The following KLF8 variants were observed in gnomAD, a reference collection of about 807,000 sequenced individuals.
KLF8 encodes the protein Krueppel-like factor 8.
A neutral mutation model predicts 18.2 loss-of-function variants in KLF8; 10 were observed. The observed-to-expected ratio is 0.55, with a 90% CI of 0.34 to 0.93. The LOEUF (loss-of-function observed/expected upper bound fraction) is 0.93, where lower values mean the gene tolerates loss of function less well. KLF8 is among the 40% of genes least tolerant of loss of function. The pLI is 0.02. For synonymous variants in KLF8, 109 were observed against 97.3 expected, an observed-to-expected ratio of 1.12 and a Z score of -0.71; for missense variants, 264 against 277.9, an observed-to-expected ratio of 0.95 and a Z score of 0.36.
chrX:56,184,432 C>T, the KLF8 span, among the ~76,000 whole-genome samples: 1 of 112,676 alleles, frequency 8.9e-6, no homozygotes, highest in Admixed American at 9.4e-5. Flanking sequence ...GTAGGCTCCA[C>T]CTCTGGGGGC....
the KLF8 span, among the ~76,000 whole-genome samples, chrX:56,204,649 T>C: frequency 9.0e-6 from 1 of 111,569 alleles, no homozygotes. Context: ...TGTTGAATTT[T>C]ATTAAATGCT....
chrX:56,210,200 G>T, the KLF8 span, among the ~76,000 whole-genome samples: 16 of 111,580 alleles, frequency 1.4e-4, no homozygotes, highest in Non-Finnish European at 2.8e-4. Flanking sequence ...TGATTGAAAT[G>T]CTTTCTAGCA....
chrX:56,012,663 T>G, the KLF8 span, among the ~76,000 whole-genome samples: 1 of 111,178 alleles, frequency 9.0e-6, no homozygotes, highest in Non-Finnish European at 1.9e-5. Context: ...CTGTCTCTAT[T>G]TGCAGGTGAT....
the KLF8 span, among the ~76,000 whole-genome samples, chrX:55,963,725 A>G: frequency 0.53 from 58,689 of 110,568 alleles, 13,745 homozygotes; most frequent in East Asian, 0.75. Flanking sequence ...AAGGCAGAAA[A>G]CGAACAAAGA....
the KLF8 span, among the ~76,000 whole-genome samples, chrX:56,172,764 C>A: frequency 8.1e-5 from 9 of 111,790 alleles, no homozygotes. Context: ...TTCTCCAGCA[C>A]CTGTTGTTTC....
the KLF8 span, among the ~76,000 whole-genome samples, chrX:55,982,192 T>A: frequency 1.8e-5 from 2 of 111,817 alleles, no homozygotes; most frequent in East Asian, 5.6e-4. Flanking sequence ...GAGTGATATA[T>A]TAAAGCAAGT....
chrX:56,227,969 T>G (rs183881004), upstream of KLF8, among the ~76,000 whole-genome samples: 109 of 105,952 alleles, frequency 1.0e-3, no homozygotes, highest in African/African-American at 3.8e-3. Context: ...ACAACTAAAT[T>G]TATAGGACTC....
At chrX:56,144,626 G>A in the KLF8 span, among the ~76,000 whole-genome samples, 2 of 105,766 alleles carry the variant, frequency 1.9e-5, no homozygotes, top group East Asian at 6.2e-4. Context: ...GGTGGCGGGA[G>A]CCTGTAATCC....
chrX:56,061,094 G>T, the KLF8 span, among the ~76,000 whole-genome samples: 1 of 111,408 alleles, frequency 9.0e-6, no homozygotes, highest in Non-Finnish European at 1.9e-5. Flanking sequence ...TATCTATTTT[G>T]ATGATCTTTT....
chrX:56,077,523 C>T, the KLF8 span, among the ~76,000 whole-genome samples: 71 of 111,999 alleles, frequency 6.3e-4, 1 homozygote, highest in African/African-American at 2.2e-3. Context: ...GTACCAGTAC[C>T]ATGCTGATTT....
intron 3 of KLF8, chrX:56,266,505 T>A (rs1569186766): frequency 1.3e-6 from 1 of 750,468 alleles, no homozygotes; most frequent in East Asian, 1.5e-4. Flanking sequence ...GATAATTTGA[T>A]GAACAAACAA....
chrX:56,041,752 T>A, the KLF8 span, among the ~76,000 whole-genome samples: 3 of 109,307 alleles, frequency 2.7e-5, no homozygotes, highest in African/African-American at 1.0e-4. Flanking sequence ...TGCAGTGGCA[T>A]GATCTCAGCT....
the KLF8 span, among the ~76,000 whole-genome samples, chrX:56,060,950 A>G: frequency 2.7e-5 from 3 of 111,577 alleles, no homozygotes; most frequent in African/African-American, 9.8e-5. Context: ...AAATTTACCC[A>G]TTTCTTCTAG....
At chrX:56,154,985 G>A in the KLF8 span, among the ~76,000 whole-genome samples, 3 of 112,021 alleles carry the variant, frequency 2.7e-5, no homozygotes, top group Middle Eastern at 4.6e-3. Flanking sequence ...GGAGAAACAG[G>A]AACACTTTTA....
At chrX:56,280,631 AC>A (rs746233199) in intron 5 of KLF8, among the ~76,000 whole-genome samples, 1 of 112,124 alleles carries the variant, frequency 8.9e-6, no homozygotes, top group South Asian at 3.8e-4. Flanking sequence ...GTATTGTGAA[AC>A]TAGTGTCTTG....
At position 56,285,141 on chromosome X, in the gene KLF8, A is replaced by C. The variant is rs190852038; in HGVS notation, c.*647A>C. The C allele has an allele frequency of 3.6e-5, 4 of 111,963 alleles. No individual in the cohort carries two copies. Among genetic ancestry groups the C allele is most frequent in the Admixed American group, 1.9e-4 (2 of 10,567 alleles). 9.2% of individuals were successfully genotyped at this position (111,963 alleles called of 1,213,427 possible). On this transcript the variant is annotated 3_prime_UTR_variant, in exon 6 of 6. Coordinates refer to ENST00000468660, the MANE Select transcript of KLF8 (RefSeq NM_007250.5). The stretch of plus-strand genomic sequence containing the variant: ...GCTGGTGCTTCTGCTTCTTAAGTTC[A>C]TCAAGGGAATGAGGAGTTCTTGTCC...
At chrX:55,936,896 G>A in the KLF8 span, among the ~76,000 whole-genome samples, 1 of 112,159 alleles carries the variant, frequency 8.9e-6, no homozygotes, top group South Asian at 3.7e-4. Context: ...ACTGGGTGGA[G>A]CCCACCACAG....
chrX:55,998,368 A>G, the KLF8 span, among the ~76,000 whole-genome samples: 1 of 111,932 alleles, frequency 8.9e-6, no homozygotes, highest in Admixed American at 9.4e-5. Flanking sequence ...CCACGAGGCC[A>G]TATTTCAGAC....
At chrX:55,927,233 A>T in the KLF8 span, among the ~76,000 whole-genome samples, 1 of 111,981 alleles carries the variant, frequency 8.9e-6, no homozygotes, top group Admixed American at 9.5e-5. Flanking sequence ...CCATTGTAAG[A>T]TGTTTAGCAG....
Sources: allele counts gnomAD v4.1 joint callset (sites outside exome capture counted in the v4.1 genomes callset), GRCh38; gene constraint gnomAD v4.1.1; transcripts MANE v1.5; gene names NCBI Gene and HGNC (gene_info 2026-07-23, HGNC 2026-07-21).